GSDME: variants seen among roughly 807,000 people sequenced by gnomAD.
GSDME encodes the protein gasdermin E, also known as gasdermin-E.
GSDME carries 44 observed loss-of-function variants against 47.5 expected under a neutral mutation model. The observed-to-expected ratio is 0.93, with a 90% CI of 0.73 to 1.19. The LOEUF is 1.19. Ranked by LOEUF, GSDME falls within the 50% of genes most tolerant of loss-of-function variation. The pLI is 0.00. For missense variants in GSDME, 663 were observed against 604.2 expected (o/e 1.10, Z -1.02); for synonymous variants, 258 against 252.8 (o/e 1.02, Z -0.20).
At chr7:24,795,075 C>T in the GSDME span, among the ~76,000 whole-genome samples, 1 of 152,264 alleles carries the variant, frequency 6.6e-6, no homozygotes, top group South Asian at 2.1e-4. Context: ...GGGCAAGTTC[C>T]AAGACCAGTC....
rs1789285373 is a variant in GSDME at position 24,710,101 on chromosome 7, C to G, written c.862+123G>C. 3 of 1,129,876 alleles carry G rather than the reference C, an allele frequency of 2.7e-6. No homozygotes were observed. The Admixed American group carries it at 5.1e-5, about 19-fold the overall frequency. 70.0% of individuals were successfully genotyped at this position (1,129,876 alleles called of 1,614,324 possible). ...GGACTGGGCCTCGGCGGCATCACCT[C>G]TCTTCTCATATGTTTTCTGTGAGTC... On this transcript the variant is annotated intron_variant, in intron 6 of 9. Coordinates refer to ENST00000645220, the MANE Select transcript of GSDME (RefSeq NM_001127453.2).
chr7:24,712,212 ACTC>A lies in GSDME; in HGVS notation c.698-1827_698-1825del, dbSNP rs1789383075. 1.3e-5 allele frequency among the ~76,000 whole-genome samples: 2 copies of A among 152,064 alleles called. No individual in the cohort carries two copies. Among genetic ancestry groups the A allele is most frequent in the African/African-American group, 2.4e-5 (1 of 41,372 alleles). Reference sequence around the variant, plus strand: ...CCACACCAGCATTCAGGCTGACCCTACTCCTCCACACTTTGCGCTTAGCCACAG... The same window carrying A: ...CCACACCAGCATTCAGGCTGACCCTACTCCACACTTTGCGCTTAGCCACAG... On this transcript the variant is annotated intron_variant, in intron 5 of 9. Coordinates refer to ENST00000645220, the MANE Select transcript of GSDME (RefSeq NM_001127453.2). The surrounding 1 kb of genome is among the most constrained non-coding windows in gnomAD (Gnocchi z 4.4).
At chr7:24,792,694 G>C in the GSDME span, among the ~76,000 whole-genome samples, 1 of 152,110 alleles carries the variant, frequency 6.6e-6, no homozygotes, top group African/African-American at 2.4e-5. Context: ...GGAGCAGGTG[G>C]TGCTTTCTTG....
rs1230980923 is a variant in GSDME at position 24,727,543 on chromosome 7, G to T, written c.405-8325C>A. ...AGTAAATCCAGAACTTCTCCCAAGG[G>T]TTTTGATTTATTGGCTAAAACTACA... On this transcript the variant is annotated intron_variant, in intron 3 of 9. Transcript: ENST00000645220. 2.6e-5 allele frequency among the ~76,000 whole-genome samples: 4 copies of T among 152,192 alleles called. 1 individual carries two copies. The highest frequency in any genetic ancestry group is 6.5e-5 in the Admixed American group (1 of 15,272).
At chr7:24,700,018 C>G (rs948724354) in intron 9 of GSDME, among the ~76,000 whole-genome samples, 12 of 152,176 alleles carry the variant, frequency 7.9e-5, no homozygotes, top group African/African-American at 2.9e-4. Context: ...CCCTTCTCAT[C>G]ACTCAGTTGT....
the GSDME span, among the ~76,000 whole-genome samples, chr7:24,784,904 C>A: frequency 5.3e-5 from 8 of 152,038 alleles, no homozygotes; most frequent in African/African-American, 1.9e-4. Flanking sequence ...TGGTGCCCAC[C>A]CACACTGAGG....
chr7:24,747,350 A>G lies in GSDME; in HGVS notation c.211+2214T>C, dbSNP rs115647549. ...ACTGGCTGGAATCGTTTCCTGGAAGAAAGTTTGAAGATTATCTGTAAACTC... is the reference window on the plus strand; with the variant it reads ...ACTGGCTGGAATCGTTTCCTGGAAGGAAGTTTGAAGATTATCTGTAAACTC... On this transcript the variant is annotated intron_variant, in intron 2 of 9. Coordinates refer to ENST00000645220, the MANE Select transcript of GSDME (RefSeq NM_001127453.2). Among the ~76,000 whole-genome samples, 1,014 of 152,336 alleles carry G rather than the reference A, an allele frequency of 6.7e-3. 10 individuals carry two copies. The highest frequency in any genetic ancestry group is 0.023 in the African/African-American group (970 of 41,580).
At chr7:24,759,079 G>A (rs1370985608), upstream of GSDME, among the ~76,000 whole-genome samples, 1 of 152,214 alleles carries the variant, frequency 6.6e-6, no homozygotes, top group Non-Finnish European at 1.5e-5. Context: ...AATGGTCCAT[G>A]GTGGTAGGCC....
chr7:24,710,806 A>G (rs573236229), intron 5 of GSDME, among the ~76,000 whole-genome samples: 34 of 152,356 alleles, frequency 2.2e-4, no homozygotes, highest in African/African-American at 7.9e-4. Context: ...CCAAGTAGTT[A>G]TGTGATTATA....
chr7:24,781,515 A>G, the GSDME span, among the ~76,000 whole-genome samples: 1 of 152,298 alleles, frequency 6.6e-6, no homozygotes, highest in East Asian at 1.9e-4. Context: ...TGTACAGCTG[A>G]GGACTATACA....
intron 3 of GSDME, 111 bp from the exon 4 acceptor site, chr7:24,719,329 C>T: frequency 4.2e-6 from 5 of 1,192,442 alleles, no homozygotes; most frequent in South Asian, 2.5e-5. Context: ...GACAGCCAGG[C>T]TTTGTTGATT....
At chr7:24,787,179 G>A in the GSDME span, among the ~76,000 whole-genome samples, 217 of 152,304 alleles carry the variant, frequency 1.4e-3, 2 homozygotes, top group African/African-American at 4.9e-3. The surrounding 1 kb of genome is among the most constrained non-coding windows in gnomAD (Gnocchi z 5.0). Context: ...GGGCAGCAGC[G>A]TTGTGGCTTA....
intron 8 of GSDME, 67 bp from the exon 9 acceptor site, chr7:24,702,900 G>A: frequency 1.5e-6 from 2 of 1,354,898 alleles, no homozygotes; most frequent in Non-Finnish European, 2.1e-6. Context: ...GCCAGCCCCT[G>A]GATGGCACCT....
chr7:24,711,228 T>G (rs1001642152), intron 5 of GSDME, among the ~76,000 whole-genome samples: 2 of 152,102 alleles, frequency 1.3e-5, no homozygotes, highest in South Asian at 2.1e-4. Flanking sequence ...TGTTTTTGGT[T>G]GTTTTGTTTT....
intron 7 of GSDME, among the ~76,000 whole-genome samples, 160 bp from the exon 8 acceptor site, chr7:24,706,536 G>T (rs957481610): frequency 1.3e-5 from 2 of 152,208 alleles, no homozygotes; most frequent in South Asian, 2.1e-4. Context: ...CTAATCCTTG[G>T]TGGCTACATT....
the GSDME span, among the ~76,000 whole-genome samples, chr7:24,784,034 C>T: frequency 1.3e-5 from 2 of 152,090 alleles, no homozygotes; most frequent in Admixed American, 1.3e-4. Flanking sequence ...GAGGAGAAGC[C>T]ACAGTTTTGG....
In GSDME at chr7:24,728,985, T is replaced by C. The variant is rs545509451; in HGVS notation, c.405-9767A>G. 8.5e-5 allele frequency among the ~76,000 whole-genome samples: 13 copies of C among 152,216 alleles called. No individual in the cohort carries two copies. The South Asian group carries it at 2.7e-3, about 32-fold the overall frequency. On this transcript the variant is annotated intron_variant, in intron 3 of 9. Transcript: ENST00000645220. This position sits in a 1 kb window ranked among gnomAD's most constrained non-coding sequence, Gnocchi z 7.2. ...GCACATTGTTGCCAAAGTGACCAAGTCACCCGCAGACTGTGGCTGCTCCGC... is the reference window on the plus strand; with the variant it reads ...GCACATTGTTGCCAAAGTGACCAAGCCACCCGCAGACTGTGGCTGCTCCGC...
rs926981653 is a variant in GSDME at position 24,725,850 on chromosome 7, A to G, written c.405-6632T>C. On this transcript the variant is annotated intron_variant, in intron 3 of 9. Coordinates refer to ENST00000645220, the MANE Select transcript of GSDME (RefSeq NM_001127453.2). This position sits in a 1 kb window ranked among gnomAD's most constrained non-coding sequence, Gnocchi z 5.1. ...TTCTTTGGAGGCAGAAATTGGGCATAAGACAATATGAGGGGTGGTCCCCTC... is the reference window on the plus strand; with the variant it reads ...TTCTTTGGAGGCAGAAATTGGGCATGAGACAATATGAGGGGTGGTCCCCTC... Among the ~76,000 whole-genome samples, 7 of 152,178 alleles carry G rather than the reference A, an allele frequency of 4.6e-5. No homozygotes were observed. The highest frequency in any genetic ancestry group is 7.3e-5 in the Non-Finnish European group (5 of 68,036).
In GSDME at chr7:24,744,438, G is replaced by C; in HGVS notation, c.404+124C>G. ...CTCCTCATGAAATTTCAACACAAGC[G>C]CATTCAATACATGTTTATTGATCGG... On this transcript the variant is annotated intron_variant, in intron 3 of 9. Transcript: ENST00000645220. This position sits in a 1 kb window ranked among gnomAD's most constrained non-coding sequence, Gnocchi z 4.5. 2 of 1,061,898 alleles carry C rather than the reference G, an allele frequency of 1.9e-6. No homozygotes were observed. Among genetic ancestry groups the C allele is most frequent in the Non-Finnish European group, 2.9e-6 (2 of 691,810 alleles). The allele number at this position is 1,061,898 out of a possible 1,614,324, so 65.8% of individuals were successfully genotyped here.
Sources: allele counts gnomAD v4.1 joint callset (sites outside exome capture counted in the v4.1 genomes callset), GRCh38; gene constraint gnomAD v4.1.1; non-coding constraint Gnocchi (gnomAD v3.1); transcripts MANE v1.5; gene names NCBI Gene and HGNC (gene_info 2026-07-23, HGNC 2026-07-21).